The following RIDA variants were observed in gnomAD, a reference collection of about 807,000 sequenced individuals.
RIDA encodes 2-iminobutanoate/2-iminopropanoate deaminase.
A neutral mutation model predicts 17.8 loss-of-function variants in RIDA; 17 were observed. The ratio of observed to expected loss-of-function variants is 0.96; its 90% CI spans 0.65 to 1.43. The LOEUF (loss-of-function observed/expected upper bound fraction) is 1.43, where lower values mean the gene tolerates loss of function less well. Among genes scored for constraint, RIDA ranks in the 40% most tolerant of loss-of-function variants. RIDA has a pLI of 0.00. For missense variants in RIDA, 158 were observed against 161.7 expected, an observed-to-expected ratio of 0.98 and a Z score of 0.12; for synonymous variants, 48 against 55.7, an observed-to-expected ratio of 0.86 and a Z score of 0.62.
intron 1 of RIDA, among the ~76,000 whole-genome samples, chr8:98,115,941 C>G (rs1334205792): frequency 7.4e-6 from 1 of 135,984 alleles, no homozygotes; most frequent in East Asian, 1.9e-4. Flanking sequence ...ATTTGGCAAA[C>G]AAACAAACAA....
chr8:98,115,071 A>G (rs1022504846), intron 1 of RIDA, among the ~76,000 whole-genome samples: 2 of 152,134 alleles, frequency 1.3e-5, no homozygotes, highest in African/African-American at 2.4e-5. Flanking sequence ...TAATATAACC[A>G]TGCACATAAA....
At chr8:98,115,720 G>A (rs1287357356) in intron 1 of RIDA, among the ~76,000 whole-genome samples, 1 of 152,024 alleles carries the variant, frequency 6.6e-6, no homozygotes, top group Non-Finnish European at 1.5e-5. Context: ...CAAAGAGAGA[G>A]CAGGCCTCAG....
At chr8:98,114,694 T>C (rs1815777508) in intron 1 of RIDA, among the ~76,000 whole-genome samples, 1 of 152,158 alleles carries the variant, frequency 6.6e-6, no homozygotes, top group African/African-American at 2.4e-5. Context: ...TCAAATGGTA[T>C]TATTTATGCC....
chr8:98,105,039 C>G (rs561549598), intron 4 of RIDA, among the ~76,000 whole-genome samples: 9 of 144,498 alleles, frequency 6.2e-5, no homozygotes, highest in African/African-American at 2.3e-4. Context: ...AAGAGGCTCA[C>G]TATCAGATTT....
Position 98,112,370 on chromosome 8 carries a change from C to T in RIDA, c.66-3619G>A, listed in dbSNP as rs187473939. Among the ~76,000 whole-genome samples the T allele has an allele frequency of 1.1e-4, 16 of 152,294 alleles. No homozygotes were observed. The East Asian group carries it at 1.7e-3, about 17-fold the overall frequency. On this transcript the variant is annotated intron_variant, in intron 1 of 5. Transcript: ENST00000254878. ...CCCAAGGTATCTTAGACTCTAAACTCCTTGAGGTCAGGGTAATGTCTTACC... is the reference window on the plus strand; with the variant it reads ...CCCAAGGTATCTTAGACTCTAAACTTCTTGAGGTCAGGGTAATGTCTTACC...
intron 1 of RIDA, among the ~76,000 whole-genome samples, chr8:98,112,411 T>C (rs1012507419): frequency 4.6e-5 from 7 of 152,230 alleles, no homozygotes; most frequent in African/African-American, 7.2e-5. Flanking sequence ...TCTGTAGCTG[T>C]GTAGGGTGTA....
In RIDA at chr8:98,108,090, T is replaced by C. The variant is rs571407024; in HGVS notation, c.171+556A>G. Among the ~76,000 whole-genome samples the C allele has an allele frequency of 3.3e-5, 5 of 152,046 alleles. No individual in the cohort carries two copies. The South Asian group carries it at 1.0e-3, about 32-fold the overall frequency. ...TGGCCTCCCCCAACTAATTTTTGTA[T>C]TTTTAGTAGAGATGGGGTTTCACCA... is the stretch of plus-strand genomic sequence containing the variant. On this transcript the variant is annotated intron_variant, in intron 2 of 5. Transcript: ENST00000254878.
chr8:98,105,990 A>T lies in RIDA; in HGVS notation c.243T>A (p.Val81=). 1 of 1,607,672 alleles carries T rather than the reference A, an allele frequency of 6.2e-7. No individual in the cohort carries two copies. Among genetic ancestry groups the T allele is most frequent in the Non-Finnish European group, 8.5e-7 (1 of 1,174,242 alleles). Reference sequence around the variant, plus strand: ...TGAAGTCATTTATGTCAGCCAGAAGAACAGTTGTTTTCACCACTAGAAGAT... The same window carrying T: ...TGAAGTCATTTATGTCAGCCAGAAGTACAGTTGTTTTCACCACTAGAAGAT... The part of the protein sequence containing the change: ...CDFTNVVKTT[V]LLADINDFNT... The change falls in exon 4 of 6, where the codon GTT becomes GTA. Residue 81 remains valine, a synonymous_variant. Coordinates refer to ENST00000254878, the MANE Select transcript of RIDA (RefSeq NM_005836.3).
At chr8:98,115,849 T>C (rs10088925) in intron 1 of RIDA, among the ~76,000 whole-genome samples, 47,597 of 152,062 alleles carry the variant, frequency 0.31, 8,248 homozygotes, top group African/African-American at 0.46. Flanking sequence ...TTGTAAAGTT[T>C]CCTTTTTCAA....
Position 98,108,697 on chromosome 8 carries a change from G to C in RIDA, c.120C>G (p.Asp40Glu). ...TIYISGQIGM[D>E]PSSGQLVSGG... Reference sequence around the variant, plus strand: ...CTGACACAAGCTGTCCACTTGAAGGGTCCATGCCTATCTGTCCTGAAATGT... The same window carrying C: ...CTGACACAAGCTGTCCACTTGAAGGCTCCATGCCTATCTGTCCTGAAATGT... The change falls in exon 2 of 6, where the codon GAC (aspartate) becomes GAG (glutamate). Residue 40 changes from aspartate (D) to glutamate (E), a missense_variant. Physicochemically the swap from Asp to Glu is conservative, Grantham distance 45. Transcript: ENST00000254878. 6.2e-7 allele frequency: 1 copy of C among 1,613,802 alleles called. No homozygotes were observed. Among genetic ancestry groups the C allele is most frequent in the Non-Finnish European group, 8.5e-7 (1 of 1,179,774 alleles).
Position 98,108,764 on chromosome 8 carries a change from G to A in RIDA, c.66-13C>T. ...TAATACAGCTTGACTGCAATAAACA[G>A]AAAGCTAGTGTATTTATGTAAGTAT... On this transcript the variant is annotated splice_polypyrimidine_tract_variant and intron_variant, in intron 1 of 5. Coordinates refer to ENST00000254878, the MANE Select transcript of RIDA (RefSeq NM_005836.3). The A allele has an allele frequency of 6.7e-7, 1 of 1,494,724 alleles. No homozygotes were observed. The highest frequency in any genetic ancestry group is 9.3e-7 in the Non-Finnish European group (1 of 1,072,124). The allele number at this position is 1,494,724 out of a possible 1,614,324, so 92.6% of individuals were successfully genotyped here. A position where few individuals can be genotyped will look rare whatever the true frequency, so the allele number is the denominator to read the frequency against.
At chr8:98,104,430 G>T in intron 5 of RIDA, 59 bp downstream of exon 5, 3 of 1,081,400 alleles carry the variant, frequency 2.8e-6, no homozygotes, top group Non-Finnish European at 2.8e-6. Flanking sequence ...TTTACTTATA[G>T]AAGGAAAACA....
chr8:98,108,307 A>AT (rs200075722), intron 2 of RIDA, among the ~76,000 whole-genome samples: 35,807 of 145,296 alleles, frequency 0.25, 4,778 homozygotes, highest in Non-Finnish European at 0.31. Flanking sequence ...TGTGGTGGTA[A>AT]TTTTTTTTTT....
intron 2 of RIDA, 37 bp downstream of exon 2, chr8:98,108,609 G>T: frequency 7.9e-7 from 1 of 1,265,990 alleles, no homozygotes; most frequent in Non-Finnish European, 1.2e-6. Flanking sequence ...TAAAAAGGTA[G>T]TAGAAAAGGG....
chr8:98,110,813 G>A (rs980127159), intron 1 of RIDA, among the ~76,000 whole-genome samples: 3 of 152,128 alleles, frequency 2.0e-5, no homozygotes, highest in African/African-American at 7.2e-5. Context: ...GACCTGGTGG[G>A]AGGTGACTGG....
At chr8:98,105,848 C>A in intron 4 of RIDA, 90 bp downstream of exon 4, 1 of 768,352 alleles carries the variant, frequency 1.3e-6, no homozygotes, top group Non-Finnish European at 2.3e-6. Context: ...GCATCTCCTA[C>A]CACTCTTAAT....
chr8:98,115,388 CAAAAAAAAAAA>C (rs766262204), intron 1 of RIDA, among the ~76,000 whole-genome samples: 1 of 41,136 alleles, frequency 2.4e-5, no homozygotes, highest in African/African-American at 1.1e-4. Context: ...ACTCTGCCTC[CAAAAAAAAAAA>C]AAAAAAAAAA....
At chr8:98,112,113 T>A (rs561652687) in intron 1 of RIDA, among the ~76,000 whole-genome samples, 1 of 152,210 alleles carries the variant, frequency 6.6e-6, no homozygotes, top group East Asian at 1.9e-4. Context: ...AACAGCTACA[T>A]ATGTTTTACA....
At chr8:98,103,121 C>T (rs1485852352) in intron 5 of RIDA, among the ~76,000 whole-genome samples, 1 of 152,158 alleles carries the variant, frequency 6.6e-6, no homozygotes, top group Non-Finnish European at 1.5e-5. Context: ...GTGATTCTCA[C>T]AGAAGCCCTA....
Sources: gnomAD v4.1 joint callset for allele counts (sites outside exome capture counted in the v4.1 genomes callset) on GRCh38, gnomAD v4.1.1 for gene constraint, MANE v1.5 for transcripts, NCBI Gene and HGNC (gene_info 2026-07-23, HGNC 2026-07-21) for gene names.